SETD5: variants seen among roughly 807,000 people sequenced by gnomAD.
The protein encoded by SETD5 is SET domain containing 5.
In SETD5, 44 loss-of-function variants were observed where a neutral mutation model predicts 153.3. The ratio of observed to expected loss-of-function variants is 0.29; its 90% CI spans 0.23 to 0.37. The LOEUF (loss-of-function observed/expected upper bound fraction) is 0.37, where lower values mean the gene tolerates loss of function less well. SETD5 is among the 10% of genes least tolerant of loss of function. The pLI, the probability that SETD5 is intolerant of heterozygous loss-of-function variation, is 1.00. For missense variants in SETD5, 1,544 were observed against 1,768.0 expected, an observed-to-expected ratio of 0.87 and a Z score of 2.27; for synonymous variants, 716 against 645.2, an observed-to-expected ratio of 1.11 and a Z score of -1.66.
rs2044003845 is a variant in SETD5, at chr3:9,461,989, A to G, written c.2477-2436A>G. Among the ~76,000 whole-genome samples, 3 of 152,248 alleles carry G rather than the reference A, an allele frequency of 2.0e-5. No individual in the cohort carries two copies. The South Asian group carries it at 6.2e-4, about 31-fold the overall frequency. On this transcript the variant is annotated intron_variant, in intron 17 of 22. Coordinates refer to ENST00000402198, the MANE Select transcript of SETD5 (RefSeq NM_001080517.3). The stretch of plus-strand genomic sequence containing the variant: ...TCTGGAACAAAAGGAAGATGTGAAT[A>G]TACTTCCAATCTAGGAATATTAAAA...
chr3:9,447,337 A>T, intron 14 of SETD5, 30 bp downstream of exon 14: 1 of 1,591,328 alleles, frequency 6.3e-7, no homozygotes, highest in Non-Finnish European at 8.5e-7. Context: ...CAGCACTTAG[A>T]CATCCTCACC....
At chr3:9,466,082 A>G (rs2044527152) in intron 18 of SETD5, among the ~76,000 whole-genome samples, 1 of 152,000 alleles carries the variant, frequency 6.6e-6, no homozygotes, top group Non-Finnish European at 1.5e-5. Flanking sequence ...AGGTCAGTAG[A>G]TCAAGACCAT....
Position 9,448,644 on chromosome 3 carries a change from TTTGTG to T in SETD5, c.2346+16_2346+20del, listed in dbSNP as rs762903579. On this transcript the variant is annotated intron_variant, in intron 16 of 22. Transcript: ENST00000402198. ...TCCTGTAAGAAGGTATGTCTGTGTT[TTTGTG>T]TGTGTGTTGTGTTTATGTGTGTGTG... 13 of 1,543,342 alleles carry T rather than the reference TTTGTG, an allele frequency of 8.4e-6. No homozygotes were observed. Among genetic ancestry groups the T allele is most frequent in the Middle Eastern group, 3.5e-4 (2 of 5,792 alleles).
At chr3:9,473,182 T>G in intron 19 of SETD5, 54 bp from the exon 20 acceptor site, 2 of 1,553,112 alleles carry the variant, frequency 1.3e-6, no homozygotes, top group Non-Finnish European at 1.7e-6. Flanking sequence ...GGTGATCCAC[T>G]AATGATATCC....
In SETD5 at chr3:9,445,818, C is replaced by T. The variant is rs570078363; in HGVS notation, c.1524+78C>T. 1.4e-5 allele frequency: 14 copies of T among 974,110 alleles called. No individual in the cohort carries two copies. In the South Asian group the frequency reaches 3.5e-4, roughly 24 times the overall value. 60.3% of individuals were successfully genotyped at this position (974,110 alleles called of 1,614,324 possible). A position where few individuals can be genotyped will look rare whatever the true frequency, so the allele number is the denominator to read the frequency against. ...ATGTGAACCTCTTCTGTTCTCTTGA[C>T]TTTGTATCATCTCATTGATTTGACC... is the stretch of plus-strand genomic sequence containing the variant. On this transcript the variant is annotated intron_variant, in intron 13 of 22. Coordinates refer to ENST00000402198, the MANE Select transcript of SETD5 (RefSeq NM_001080517.3).
chr3:9,436,039 A>T, intron 7 of SETD5, 133 bp downstream of exon 7: 1 of 776,854 alleles, frequency 1.3e-6, no homozygotes, highest in Admixed American at 2.8e-5. Flanking sequence ...ACTTGCAAAA[A>T]TCAGCTAATC....
At position 9,447,709 on chromosome 3, in the gene SETD5, C is replaced by T; in HGVS notation, c.1806C>T (p.Val602=). 1 of 1,613,908 alleles carries T rather than the reference C, an allele frequency of 6.2e-7. No homozygotes were observed. Among genetic ancestry groups the T allele is most frequent in the Non-Finnish European group, 8.5e-7 (1 of 1,179,844 alleles). The change falls in exon 15 of 23, where the codon GTC becomes GTT. Residue 602 remains valine, a synonymous_variant. Coordinates refer to ENST00000402198, the MANE Select transcript of SETD5 (RefSeq NM_001080517.3). ...QAGDIAAEKL[V]PKPPPAKPSR... is the part of the protein sequence containing the mutation. Reference sequence around the variant, plus strand: ...AGGATATTGCTGCAGAAAAACTAGTCCCCAAGCCACCTCCAGCAAAGCCTT... The same window carrying T: ...AGGATATTGCTGCAGAAAAACTAGTTCCCAAGCCACCTCCAGCAAAGCCTT...
chr3:9,420,915 G>A (rs546177749), intron 1 of SETD5, among the ~76,000 whole-genome samples: 1 of 151,874 alleles, frequency 6.6e-6, no homozygotes, highest in African/African-American at 2.4e-5. Flanking sequence ...TTGGAGAAGA[G>A]TAAAAACAGT....
At chr3:9,465,960 T>A (rs112626746) in intron 18 of SETD5, among the ~76,000 whole-genome samples, 57 of 152,128 alleles carry the variant, frequency 3.7e-4, no homozygotes, top group Admixed American at 4.6e-4. Context: ...TCATACTTTA[T>A]CAATACAGGT....
At position 9,473,330 on chromosome 3, in the gene SETD5, C is replaced by G; in HGVS notation, c.3290C>G (p.Ala1097Gly). ...TCTGCACAGAGCAAAAGCAAGTCTG[C>G]AGGAGCTGGGCAAGGCAGCAGTAAC... ...GDSAQSKSKS[A>G]GAGQGSSNSV... The change falls in exon 20 of 23, where the codon GCA becomes GGA. Residue 1097 changes from alanine to glycine, a missense_variant. This residue lies in a region of SETD5 where 93 missense variants were observed against 93.4 expected (regional missense o/e 1.00). Transcript: ENST00000402198. The G allele has an allele frequency of 6.2e-7, 1 of 1,614,000 alleles. No individual in the cohort carries two copies. Among genetic ancestry groups the G allele is most frequent in the South Asian group, 1.1e-5 (1 of 91,084 alleles).
At position 9,434,468 on chromosome 3, in the gene SETD5, C is replaced by T. The variant is rs376494447; in HGVS notation, c.312C>T (p.Leu104=). 63 of 1,613,862 alleles carry T rather than the reference C, an allele frequency of 3.9e-5. 1 individual carries two copies. In the Middle Eastern group the frequency reaches 8.2e-4, roughly 21 times the overall value. The part of the protein sequence containing the change: ...PCGLSQDGFL[L]NCDKCRGMSR... ...GTCTTTCTCAGGATGGCTTCCTTCTCAACTGTGACAAGTGCAGGTAAGATC... is the reference window on the plus strand; with the variant it reads ...GTCTTTCTCAGGATGGCTTCCTTCTTAACTGTGACAAGTGCAGGTAAGATC... The change falls in exon 5 of 23, where the codon CTC becomes CTT. Residue 104 remains leucine, a synonymous_variant. Transcript: ENST00000402198. This position sits in a 1 kb window ranked among gnomAD's most constrained non-coding sequence, Gnocchi z 5.6.
In SETD5 at chr3:9,428,819, A is replaced by T; in HGVS notation, c.-116-4A>T. On this transcript the variant is annotated splice_region_variant and splice_polypyrimidine_tract_variant and intron_variant, in intron 2 of 22. Coordinates refer to ENST00000402198, the MANE Select transcript of SETD5 (RefSeq NM_001080517.3). ...TTACTAGATATTTTCCTTTTCTGTT[A>T]CAGGATTCCTCATGTCCATAACATG... 2.0e-6 allele frequency: 1 copy of T among 511,024 alleles called. No individual in the cohort carries two copies. The highest frequency in any genetic ancestry group is 3.5e-6 in the Non-Finnish European group (1 of 284,674). 31.7% of individuals were successfully genotyped at this position (511,024 alleles called of 1,614,324 possible). A position where few individuals can be genotyped will look rare whatever the true frequency, so the allele number is the denominator to read the frequency against.
At chr3:9,472,810 C>G (rs1033718455) in intron 19 of SETD5, among the ~76,000 whole-genome samples, 1 of 152,106 alleles carries the variant, frequency 6.6e-6, no homozygotes, top group Non-Finnish European at 1.5e-5. Flanking sequence ...GAGTACAGAA[C>G]AGCCATCAGT....
chr3:9,444,439 G>A (rs1443118290), intron 11 of SETD5, among the ~76,000 whole-genome samples: 1 of 152,138 alleles, frequency 6.6e-6, no homozygotes, highest in Non-Finnish European at 1.5e-5. Flanking sequence ...GTAATCGTGG[G>A]CACAAGATGA....
chr3:9,455,869 T>A (rs959879375), intron 17 of SETD5, among the ~76,000 whole-genome samples: 2 of 152,188 alleles, frequency 1.3e-5, no homozygotes, highest in Non-Finnish European at 2.9e-5. Context: ...GTCACCAGCC[T>A]TTTTTGTTAT....
intron 3 of SETD5, chr3:9,431,802 C>T: frequency 1.1e-6 from 1 of 881,952 alleles, no homozygotes; most frequent in Non-Finnish European, 1.4e-6. Context: ...TCTTTGATTT[C>T]ATGCAACTTT....
Position 9,447,944 on chromosome 3 carries a change from G to A in SETD5, c.2041G>A (p.Val681Met). ...GCCATTAACAGGGTCTGACCCAACT[G>A]TGGTGTCAATTACTGGATCCCATGT... ...NRPLTGSDPT[V>M]VSITGSHVNR... The change falls in exon 15 of 23, where the codon GTG (valine) becomes ATG (methionine). Residue 681 changes from valine (V) to methionine (M), a missense_variant. Around this residue, in one of 9 missense-constraint regions of SETD5, gnomAD observed 782 missense variants for 787.2 expected, o/e 0.99. Transcript: ENST00000402198. The A allele has an allele frequency of 1.9e-6, 3 of 1,613,930 alleles. No individual in the cohort carries two copies. Among genetic ancestry groups the A allele is most frequent in the Non-Finnish European group, 2.5e-6 (3 of 1,179,840 alleles).
intron 10 of SETD5, 37 bp from the exon 11 acceptor site, chr3:9,443,271 C>G (rs1353734589): frequency 6.8e-7 from 1 of 1,475,158 alleles, no homozygotes; most frequent in Non-Finnish European, 9.3e-7. Flanking sequence ...AGTTCATGGT[C>G]TTTATGAAAA....
At position 9,475,162 on chromosome 3, in the gene SETD5, A is replaced by T. The variant is rs776458086; in HGVS notation, c.3720+6A>T. The T allele has an allele frequency of 1.1e-5, 17 of 1,574,086 alleles. No homozygotes were observed. The highest frequency in any genetic ancestry group is 1.5e-5 in the Non-Finnish European group (17 of 1,159,676). ...CTTCCAGATACAGCTACCAGGTGAG[A>T]TGAGAAATTGCTGGTCTCTAGCCAT... is the stretch of plus-strand genomic sequence containing the variant. On this transcript the variant is annotated splice_donor_region_variant and intron_variant, in intron 22 of 22. Transcript: ENST00000402198.
Sources: allele counts gnomAD v4.1 joint callset (sites outside exome capture counted in the v4.1 genomes callset), GRCh38; gene constraint gnomAD v4.1.1; regional missense constraint gnomAD v4.1.1; non-coding constraint Gnocchi (gnomAD v3.1); transcripts MANE v1.5; gene names NCBI Gene and HGNC (gene_info 2026-07-23, HGNC 2026-07-21).